The following GRM8 variants were observed in gnomAD, a reference collection of about 807,000 sequenced individuals.
GRM8 encodes glutamate metabotropic receptor 8.
In GRM8, 47 loss-of-function variants were observed where a neutral mutation model predicts 87.2. That is an observed-to-expected ratio of 0.54 (90% CI 0.43 to 0.69). GRM8 has a LOEUF of 0.69. Ranked by LOEUF, GRM8 falls within the 30% of genes least tolerant of loss-of-function variation. The pLI is 0.00. For missense variants in GRM8, 1,019 were observed against 1,139.2 expected, an observed-to-expected ratio of 0.89 and a Z score of 1.52; for synonymous variants, 396 against 404.5, an observed-to-expected ratio of 0.98 and a Z score of 0.25.
intron 6 of GRM8, 68 bp from the exon 7 acceptor site, chr7:126,770,133 A>C: frequency 2.0e-6 from 2 of 1,023,798 alleles, no homozygotes; most frequent in Non-Finnish European, 3.0e-6. Context: ...ATTAGAGCTA[A>C]GATTTCCATC....
intron 3 of GRM8, among the ~76,000 whole-genome samples, chr7:127,100,242 C>T (rs1825110622): frequency 6.6e-6 from 1 of 152,292 alleles, no homozygotes; most frequent in South Asian, 2.1e-4. Flanking sequence ...AACCCTAGCC[C>T]TAACCCCAAC....
rs967945552 is a variant in GRM8 at position 126,685,480 on chromosome 7, G to A, written c.1358-75982C>T. Among the ~76,000 whole-genome samples the A allele has an allele frequency of 3.3e-5, 5 of 152,110 alleles. No homozygotes were observed. Among genetic ancestry groups the A allele is most frequent in the Admixed American group, 2.0e-4 (3 of 15,278 alleles). ...GACCCAGGCATCTCTGTGTTCCTGG[G>A]GGCCCAGGAAGGCCCCTCTGACCCC... On this transcript the variant is annotated intron_variant, in intron 7 of 10. Transcript: ENST00000339582. The surrounding 1 kb of genome is among the most constrained non-coding windows in gnomAD (Gnocchi z 4.2).
chr7:127,243,046 A>G lies in GRM8; in HGVS notation c.159T>C (p.Pro53=), dbSNP rs1044596515. 1.9e-6 allele frequency: 3 copies of G among 1,613,956 alleles called. No individual in the cohort carries two copies. Among genetic ancestry groups the G allele is most frequent in the East Asian group, 2.2e-5 (1 of 44,862 alleles). The change falls in exon 2 of 11, where the codon CCT becomes CCC. Residue 53 remains proline, a synonymous_variant. Coordinates refer to ENST00000339582, the MANE Select transcript of GRM8 (RefSeq NM_000845.3). ...CCCCTCTCTCTCCCTTTGCGTGGAC[A>G]GGGAAGAGACCCCCCAAAATAATGT... is the stretch of plus-strand genomic sequence containing the variant. ...DGDIILGGLF[P]VHAKGERGVP... is the part of the protein sequence containing the mutation.
At position 126,463,251 on chromosome 7, in the gene GRM8, G is replaced by A. The variant is rs10281684; in HGVS notation, c.2431-16879C>T. On this transcript the variant is annotated intron_variant, in intron 9 of 10. Transcript: ENST00000339582. ...TGGAAGAAAATTGCCATTCAACCAG[G>A]AACTACCTCAGACTACTATGTGAGT... is the stretch of plus-strand genomic sequence containing the variant. Among the ~76,000 whole-genome samples the A allele has an allele frequency of 6.0e-3, 903 of 151,588 alleles. 8 individuals carry two copies. Among genetic ancestry groups the A allele is most frequent in the African/African-American group, 0.02 (839 of 41,434 alleles).
intron 3 of GRM8, among the ~76,000 whole-genome samples, chr7:126,972,489 G>C (rs1435893396): frequency 1.3e-5 from 2 of 151,642 alleles, no homozygotes; most frequent in Non-Finnish European, 2.9e-5. Context: ...ATTCCTTAAT[G>C]TCAATCACCT....
At chr7:126,611,307 A>T (rs1341163197) in intron 7 of GRM8, among the ~76,000 whole-genome samples, 1 of 152,190 alleles carries the variant, frequency 6.6e-6, no homozygotes, top group East Asian at 1.9e-4. Flanking sequence ...GTAAAATGGG[A>T]GTAATAATGA....
At chr7:127,005,030 C>T (rs1053114188) in intron 3 of GRM8, among the ~76,000 whole-genome samples, 6 of 150,960 alleles carry the variant, frequency 4.0e-5, no homozygotes, top group African/African-American at 1.2e-4. Flanking sequence ...AGGAAAAAAA[C>T]CATCATTTTG....
rs62468862 is a variant in GRM8, at chr7:126,902,392, G to A, written c.1156+150C>T. The A allele has an allele frequency of 1.7e-5, 11 of 629,960 alleles. No individual in the cohort carries two copies. In the South Asian group the frequency reaches 2.7e-4, roughly 15 times the overall value. The allele number at this position is 629,960 out of a possible 1,614,324, so 39.0% of individuals were successfully genotyped here. On this transcript the variant is annotated intron_variant, in intron 6 of 10. Transcript: ENST00000339582. ...AAATTTAAGTTTGTTGAATGATCAG[G>A]GTATGCTCAGCCCTGAGACACTATA...
chr7:126,681,699 A>T (rs1422558049), intron 7 of GRM8, among the ~76,000 whole-genome samples: 1 of 152,168 alleles, frequency 6.6e-6, no homozygotes, highest in Non-Finnish European at 1.5e-5. Context: ...TTTACTTTCA[A>T]TTGCTAGATA....
intron 2 of GRM8, among the ~76,000 whole-genome samples, chr7:127,216,029 C>G (rs1371738563): frequency 6.6e-6 from 1 of 152,164 alleles, no homozygotes; most frequent in East Asian, 1.9e-4. Flanking sequence ...GCCAAAGGAT[C>G]AAATAATGCA....
At chr7:127,021,382 C>T (rs975797863) in intron 3 of GRM8, among the ~76,000 whole-genome samples, 1 of 147,648 alleles carries the variant, frequency 6.8e-6, no homozygotes, top group Non-Finnish European at 1.5e-5. Context: ...ATATAATAAG[C>T]CCAAGCCTAA....
chr7:126,851,594 T>A lies in GRM8; in HGVS notation c.1156+50948A>T, dbSNP rs980767238. Among the ~76,000 whole-genome samples, 5 of 152,192 alleles carry A rather than the reference T, an allele frequency of 3.3e-5. No homozygotes were observed. In the East Asian group the frequency reaches 9.7e-4, roughly 29 times the overall value. On this transcript the variant is annotated intron_variant, in intron 6 of 10. Coordinates refer to ENST00000339582, the MANE Select transcript of GRM8 (RefSeq NM_000845.3). ...TGTTGTCCTTTGAACACCTAGAAAA[T>A]CATCTATTTGCAATGGTCTTCTCTG...
intron 3 of GRM8, among the ~76,000 whole-genome samples, chr7:127,087,474 T>A (rs1823628764): frequency 6.6e-6 from 1 of 152,180 alleles, no homozygotes; most frequent in Non-Finnish European, 1.5e-5. Flanking sequence ...TTGAGGACAT[T>A]ACGCTAAGTG....
chr7:126,464,695 C>T (rs181215509), intron 9 of GRM8, among the ~76,000 whole-genome samples: 2 of 151,520 alleles, frequency 1.3e-5, no homozygotes, highest in Admixed American at 1.3e-4. Context: ...TTTTTTTAGA[C>T]TGATGACAGC....
At chr7:126,559,675 G>A (rs1353519578) in intron 8 of GRM8, among the ~76,000 whole-genome samples, 1 of 152,142 alleles carries the variant, frequency 6.6e-6, no homozygotes, top group Non-Finnish European at 1.5e-5. Context: ...AGTGTGTTTA[G>A]AATCAGAACT....
chr7:126,888,318 T>C (rs1800689984), intron 6 of GRM8, among the ~76,000 whole-genome samples: 1 of 152,130 alleles, frequency 6.6e-6, no homozygotes, highest in Admixed American at 6.6e-5. Flanking sequence ...TTCTGCGTGC[T>C]GCTAATAAGC....
intron 6 of GRM8, among the ~76,000 whole-genome samples, chr7:126,771,463 T>C (rs570514963): frequency 5.7e-4 from 87 of 151,972 alleles, no homozygotes; most frequent in Non-Finnish European, 1.1e-3. Flanking sequence ...GTCTCAACTT[T>C]TCATTCTCCA....
chr7:127,172,530 C>A (rs1177853621), intron 2 of GRM8, among the ~76,000 whole-genome samples: 1 of 151,816 alleles, frequency 6.6e-6, no homozygotes, highest in African/African-American at 2.4e-5. Flanking sequence ...CATGATGAAA[C>A]CCCATCTGTA....
chr7:126,703,037 A>G (rs1401555816), intron 7 of GRM8, among the ~76,000 whole-genome samples: 2 of 152,248 alleles, frequency 1.3e-5, no homozygotes, highest in East Asian at 1.9e-4. Context: ...GGAAAATGAG[A>G]CACTGTGGGA....
Sources: gnomAD v4.1 joint callset for allele counts (sites outside exome capture counted in the v4.1 genomes callset) on GRCh38, gnomAD v4.1.1 for gene constraint, Gnocchi (gnomAD v3.1) non-coding constraint, MANE v1.5 for transcripts, NCBI Gene and HGNC (gene_info 2026-07-23, HGNC 2026-07-21) for gene names.